METAP1: variants seen among roughly 807,000 people sequenced by gnomAD.
METAP1 encodes the protein methionine aminopeptidase 1.
Under a neutral mutation model 53.8 loss-of-function variants are expected in METAP1, and 28 were observed. The ratio of observed to expected loss-of-function variants is 0.52; its 90% confidence interval spans 0.39 to 0.71. The LOEUF is 0.71. Among genes scored for constraint, METAP1 ranks in the 30% least tolerant of loss-of-function variants. The pLI, the probability that METAP1 is intolerant of heterozygous loss-of-function variation, is 0.00. For missense variants in METAP1, 389 were observed against 479.8 expected, an observed-to-expected ratio of 0.81 and a Z score of 1.77; for synonymous variants, 181 against 165.7, an observed-to-expected ratio of 1.09 and a Z score of -0.71.
At chr4:98,998,867 A>G (rs972502504) in intron 1 of METAP1, among the ~76,000 whole-genome samples, 3 of 151,476 alleles carry the variant, frequency 2.0e-5, no homozygotes, top group Non-Finnish European at 4.4e-5. Flanking sequence ...CTGGAGTGCA[A>G]TGGTGCGATC....
intron 1 of METAP1, chr4:98,997,367 TA>T (rs1342593540): frequency 6.5e-6 from 1 of 153,048 alleles, no homozygotes. Flanking sequence ...TTGCTTGATC[TA>T]AAAATAGCAT....
At chr4:99,038,130 A>G (rs1307018735) in intron 4 of METAP1, among the ~76,000 whole-genome samples, 1 of 151,898 alleles carries the variant, frequency 6.6e-6, no homozygotes, top group Non-Finnish European at 1.5e-5. Flanking sequence ...ATTTTGATAA[A>G]TTTATCTTAA....
chr4:99,022,195 A>G (rs1056982906), intron 1 of METAP1: 1 of 368,412 alleles, frequency 2.7e-6, no homozygotes, highest in Non-Finnish European at 4.7e-6. Context: ...GGCCCTCACC[A>G]GAGACACTGG....
At chr4:99,012,089 T>C (rs1335703875) in intron 1 of METAP1, among the ~76,000 whole-genome samples, 1 of 152,178 alleles carries the variant, frequency 6.6e-6, no homozygotes, top group Non-Finnish European at 1.5e-5. Context: ...TGGGTAAAGA[T>C]GGGGTCTTGC....
chr4:99,055,506 T>C (rs1727046771), intron 9 of METAP1, among the ~76,000 whole-genome samples: 1 of 152,156 alleles, frequency 6.6e-6, no homozygotes, highest in Admixed American at 6.5e-5. Context: ...TGAGAGACTA[T>C]AGATCAGGTA....
At chr4:99,057,927 C>A (rs1274247017) in intron 10 of METAP1, 109 bp downstream of exon 10, 2 of 864,378 alleles carry the variant, frequency 2.3e-6, no homozygotes, top group Admixed American at 2.5e-5. Flanking sequence ...TTCCTACTCA[C>A]TCCCTGTCCC....
chr4:99,026,332 TA>T, intron 1 of METAP1: 3 of 985,412 alleles, frequency 3.0e-6, no homozygotes, highest in Non-Finnish European at 3.6e-6. Flanking sequence ...AATAAAGTAG[TA>T]AAACAAAGTG....
chr4:99,046,418 A>T (rs1726238797), intron 8 of METAP1, among the ~76,000 whole-genome samples: 1 of 152,168 alleles, frequency 6.6e-6, no homozygotes, highest in African/African-American at 2.4e-5. Context: ...AAAGAAAAAA[A>T]AGAAAGGAAA....
chr4:99,015,091 G>A (rs1022724679), intron 1 of METAP1, among the ~76,000 whole-genome samples: 1 of 152,228 alleles, frequency 6.6e-6, no homozygotes, highest in African/African-American at 2.4e-5. Context: ...CACTTAAGTG[G>A]AAAGGGGACA....
chr4:99,045,186 C>G lies in METAP1; in HGVS notation c.663C>G (p.Ile221Met). The G allele has an allele frequency of 6.2e-7, 1 of 1,613,092 alleles. No homozygotes were observed. Among genetic ancestry groups the G allele is most frequent in the Non-Finnish European group, 8.5e-7 (1 of 1,179,338 alleles). ...TTGCACATTCTCTTGCAGTGGATAT[C>G]ACTCTTTATCGCAATGGTTATCATG... The part of the protein sequence containing the change: ...LQEGDIVNVD[I>M]TLYRNGYHGD... Residue 221 changes from isoleucine to methionine, a missense_variant, in exon 8 of 11, where the codon ATC (isoleucine) becomes ATG (methionine). By Grantham distance (10) the Ile-to-Met change is conservative (BLOSUM62 1). Transcript: ENST00000296411.
intron 3 of METAP1, among the ~76,000 whole-genome samples, chr4:99,034,807 T>A (rs1725311679): frequency 6.6e-6 from 1 of 152,200 alleles, no homozygotes; most frequent in Non-Finnish European, 1.5e-5. Context: ...TAAAATTATT[T>A]TATTATGATA....
chr4:99,011,191 A>G (rs1047319257), intron 1 of METAP1, among the ~76,000 whole-genome samples: 1 of 152,148 alleles, frequency 6.6e-6, no homozygotes, highest in African/African-American at 2.4e-5. Context: ...CTTCCAATAC[A>G]ATGTTGAATA....
At chr4:99,033,683 T>A (rs1230982235) in intron 2 of METAP1, among the ~76,000 whole-genome samples, 1 of 152,240 alleles carries the variant, frequency 6.6e-6, no homozygotes, top group African/African-American at 2.4e-5. Flanking sequence ...AGGCAAATGA[T>A]GATCATAAAG....
intron 1 of METAP1, among the ~76,000 whole-genome samples, chr4:99,014,596 C>A (rs1242870395): frequency 2.0e-5 from 3 of 152,160 alleles, no homozygotes; most frequent in Non-Finnish European, 4.4e-5. Flanking sequence ...CCTTGCAACA[C>A]CTGTCGCATC....
At chr4:99,045,400 C>T (rs1237933113) in intron 8 of METAP1, 90 bp downstream of exon 8, 7 of 1,435,674 alleles carry the variant, frequency 4.9e-6, no homozygotes, top group Non-Finnish European at 5.6e-6. Context: ...ATTCCTTGTA[C>T]CTTCCAGGTT....
chr4:99,035,585 C>A, intron 4 of METAP1, 125 bp downstream of exon 4: 1 of 700,578 alleles, frequency 1.4e-6, no homozygotes, highest in Non-Finnish European at 2.4e-6. Context: ...TGTTTTCAAG[C>A]ACCATTAGAA....
At chr4:99,020,430 A>C (rs542567198) in intron 1 of METAP1, among the ~76,000 whole-genome samples, 4 of 152,222 alleles carry the variant, frequency 2.6e-5, no homozygotes, top group African/African-American at 9.6e-5. Context: ...ACATTGTTCT[A>C]TCTCTCTCTG....
Position 99,061,280 on chromosome 4 carries a change from T to C in METAP1, c.1124T>C (p.Leu375Pro). The C allele has an allele frequency of 6.2e-7, 1 of 1,613,976 alleles. No individual in the cohort carries two copies. The highest frequency in any genetic ancestry group is 8.5e-7 in the Non-Finnish European group (1 of 1,179,874). ...GGCTGTGAAATCCTAACCCGGCGAC[T>C]TGACAGTGCACGGCCTCACTTCATG... ...DTGCEILTRR[L>P]DSARPHFMSQ... Residue 375 changes from leucine (L) to proline (P), a missense_variant, in exon 11 of 11, where the codon CTT becomes CCT. By Grantham distance (98) the Leu-to-Pro change is moderately conservative. Coordinates refer to ENST00000296411, the MANE Select transcript of METAP1 (RefSeq NM_015143.3).
intron 10 of METAP1, among the ~76,000 whole-genome samples, chr4:99,059,084 G>GT (rs1248941467): frequency 2.0e-5 from 3 of 152,226 alleles, no homozygotes; most frequent in African/African-American, 7.2e-5. Flanking sequence ...CCATTAACTA[G>GT]CACCTGGTTG....
Sources: gnomAD v4.1 joint callset for allele counts (sites outside exome capture counted in the v4.1 genomes callset) on GRCh38, gnomAD v4.1.1 for gene constraint, MANE v1.5 for transcripts, NCBI Gene and HGNC (gene_info 2026-07-23, HGNC 2026-07-21) for gene names.